GATAD2A: variants seen among roughly 807,000 people sequenced by gnomAD.
GATAD2A encodes the protein GATA zinc finger domain containing 2A, also known as transcriptional repressor p66-alpha.
A neutral mutation model predicts 68.5 loss-of-function variants in GATAD2A; 12 were observed. That is an observed-to-expected ratio of 0.18 (90% CI 0.11 to 0.28). The LOEUF (loss-of-function observed/expected upper bound fraction) is 0.28, where lower values mean the gene tolerates loss of function less well. Ranked by LOEUF, GATAD2A falls within the 10% of genes least tolerant of loss-of-function variation. The pLI is 1.00. For synonymous variants in GATAD2A, 410 were observed against 375.3 expected, an observed-to-expected ratio of 1.09 and a Z score of -1.07; for missense variants, 755 against 868.5, an observed-to-expected ratio of 0.87 and a Z score of 1.64.
chr19:19,433,150 G>A (rs953811117), intron 1 of GATAD2A, among the ~76,000 whole-genome samples: 2 of 152,190 alleles, frequency 1.3e-5, no homozygotes, highest in African/African-American at 2.4e-5. Context: ...CTGTAGGTAC[G>A]ATGTACTGTT....
upstream of GATAD2A, among the ~76,000 whole-genome samples, chr19:19,402,956 A>T (rs1187376078): frequency 1.3e-5 from 2 of 151,800 alleles, no homozygotes; most frequent in African/African-American, 4.8e-5. Context: ...TATTTTTAGT[A>T]GAGATGAGGT....
chr19:19,503,270 A>T (rs1354342548), intron 11 of GATAD2A, among the ~76,000 whole-genome samples: 1 of 152,226 alleles, frequency 6.6e-6, no homozygotes, highest in East Asian at 1.9e-4. Flanking sequence ...TCCCACATGC[A>T]CCCTGAAGCC....
At chr19:19,456,020 G>T (rs998584135) in intron 1 of GATAD2A, among the ~76,000 whole-genome samples, 1 of 151,996 alleles carries the variant, frequency 6.6e-6, no homozygotes, top group Admixed American at 6.6e-5. Context: ...CGGGCATGGT[G>T]GTGGGCGCCT....
intron 1 of GATAD2A, among the ~76,000 whole-genome samples, chr19:19,391,528 C>T (rs905651825): frequency 2.6e-5 from 4 of 152,292 alleles, no homozygotes; most frequent in African/African-American, 9.6e-5. Context: ...AAAGGGATCA[C>T]TCTCCCCTTT....
At chr19:19,489,488 C>G (rs2059645280) in intron 2 of GATAD2A, among the ~76,000 whole-genome samples, 1 of 152,194 alleles carries the variant, frequency 6.6e-6, no homozygotes, top group Non-Finnish European at 1.5e-5. Flanking sequence ...AAGTTCACTC[C>G]CTGCTGGCTG....
exon 1 of GATAD2A, chr19:19,385,862 A>T (rs2048377821): frequency 6.6e-6 from 1 of 151,742 alleles, no homozygotes; most frequent in Non-Finnish European, 1.5e-5. Context: ...CTGAGCCGCG[A>T]GACTGAGCTG....
chr19:19,470,361 C>T (rs923683842), intron 2 of GATAD2A, among the ~76,000 whole-genome samples: 12 of 152,170 alleles, frequency 7.9e-5, no homozygotes, highest in African/African-American at 2.9e-4. Flanking sequence ...ATCTTGAACT[C>T]CTGACCTCGT....
At chr19:19,410,163 C>T (rs1568707508) in intron 1 of GATAD2A, among the ~76,000 whole-genome samples, 1 of 152,178 alleles carries the variant, frequency 6.6e-6, no homozygotes, top group Non-Finnish European at 1.5e-5. Flanking sequence ...TGTCAGGGAA[C>T]TTGCCTTTCT....
intron 2 of GATAD2A, among the ~76,000 whole-genome samples, chr19:19,478,475 G>C (rs185733837): frequency 1.4e-4 from 22 of 151,846 alleles, no homozygotes; most frequent in Non-Finnish European, 2.4e-4. Context: ...ACTTCTGTAA[G>C]CCCAGCTACT....
rs1012086956 is a variant in GATAD2A at position 19,506,855 on chromosome 19, T to C, written c.*1381T>C. 5 of 152,232 alleles carry C rather than the reference T, an allele frequency of 3.3e-5. No individual in the cohort carries two copies. Among genetic ancestry groups the C allele is most frequent in the Non-Finnish European group, 5.9e-5 (4 of 68,044 alleles). The allele number at this position is 152,232 out of a possible 1,614,324, so 9.4% of individuals were successfully genotyped here. On this transcript the variant is annotated 3_prime_UTR_variant, in exon 12 of 12. Coordinates refer to ENST00000683918, the MANE Select transcript of GATAD2A (RefSeq NM_001384528.1). ...GAGTTCTGGGCTCCACTGGTTCCAA[T>C]TGAGCTCCAGCCCTGGTTTTCCTAC... is the stretch of plus-strand genomic sequence containing the variant.
chr19:19,456,126 C>T (rs1424889419), intron 1 of GATAD2A, among the ~76,000 whole-genome samples: 1 of 148,340 alleles, frequency 6.7e-6, no homozygotes, highest in Non-Finnish European at 1.5e-5. Context: ...TGCACTCCAG[C>T]CTGAGCGACA....
At chr19:19,467,590 A>G (rs562003222) in intron 2 of GATAD2A, among the ~76,000 whole-genome samples, 1 of 152,246 alleles carries the variant, frequency 6.6e-6, no homozygotes, top group South Asian at 2.1e-4. Flanking sequence ...CCAGTAGTTA[A>G]TCCATTTTCA....
intron 1 of GATAD2A, among the ~76,000 whole-genome samples, chr19:19,448,414 A>G (rs1033816907): frequency 6.6e-6 from 1 of 152,232 alleles, no homozygotes; most frequent in African/African-American, 2.4e-5. Flanking sequence ...GGCACTGAAC[A>G]GTTCTGAGAT....
In GATAD2A at chr19:19,508,072, C is replaced by G. The variant is rs1282484353; in HGVS notation, c.*2598C>G. The stretch of plus-strand genomic sequence containing the variant: ...CTGGTCCCGAGAGCCCTACCAGGAT[C>G]AGGTTCCTGCAAGCCGTCAGAATGT... On this transcript the variant is annotated 3_prime_UTR_variant, in exon 12 of 12. Transcript: ENST00000683918. 1.3e-5 allele frequency: 2 copies of G among 152,226 alleles called. No homozygotes were observed. The highest frequency in any genetic ancestry group is 2.9e-5 in the Non-Finnish European group (2 of 68,062). The allele number at this position is 152,226 out of a possible 1,614,324, so 9.4% of individuals were successfully genotyped here.
At chr19:19,408,533 G>A (rs2050556375) in intron 1 of GATAD2A, among the ~76,000 whole-genome samples, 2 of 148,014 alleles carry the variant, frequency 1.4e-5, no homozygotes, top group South Asian at 2.1e-4. Flanking sequence ...TTTTGCGTGT[G>A]TGTGTATGTT....
chr19:19,414,836 CCTTTTT>C (rs1409261488), intron 1 of GATAD2A, among the ~76,000 whole-genome samples: 1 of 127,400 alleles, frequency 7.8e-6, no homozygotes, highest in African/African-American at 3.8e-5. Context: ...CACCCTGCCC[CCTTTTT>C]TTTTTTTTTT....
intron 2 of GATAD2A, chr19:19,473,982 T>C: frequency 1.0e-6 from 1 of 958,918 alleles, no homozygotes; most frequent in Non-Finnish European, 1.2e-6. Context: ...CACCCAAGCC[T>C]TCCAAAACCA....
chr19:19,495,437 T>G (rs1014494576), intron 5 of GATAD2A, among the ~76,000 whole-genome samples: 3 of 152,190 alleles, frequency 2.0e-5, no homozygotes, highest in Non-Finnish European at 4.4e-5. Context: ...GCCTTCTGAG[T>G]AGCTGGGACT....
chr19:19,404,113 T>G (rs2049985072), upstream of GATAD2A, among the ~76,000 whole-genome samples: 1 of 151,822 alleles, frequency 6.6e-6, no homozygotes, highest in Non-Finnish European at 1.5e-5. Flanking sequence ...GTGGGAAGAT[T>G]TTGGGGGGCA....
Sources: allele counts gnomAD v4.1 joint callset (sites outside exome capture counted in the v4.1 genomes callset), GRCh38; gene constraint gnomAD v4.1.1; transcripts MANE v1.5; gene names NCBI Gene and HGNC (gene_info 2026-07-23, HGNC 2026-07-21).